FNDC3B: variants seen among roughly 807,000 people sequenced by gnomAD.
FNDC3B encodes the protein fibronectin type III domain-containing protein 3B.
In FNDC3B, 12 loss-of-function variants were observed where a neutral mutation model predicts 151.5. The observed-to-expected ratio is 0.08, with a 90% CI of 0.05 to 0.13. The LOEUF (loss-of-function observed/expected upper bound fraction) is 0.13, where lower values mean the gene tolerates loss of function less well. Ranked by LOEUF, FNDC3B falls within the 10% of genes least tolerant of loss-of-function variation. The probability of loss-of-function intolerance (pLI) is 1.00; values close to 1 mark genes in which losing one functional copy is unlikely to be tolerated. For synonymous variants in FNDC3B, 528 were observed against 549.0 expected (o/e 0.96, Z 0.54); for missense variants, 1,214 against 1,505.3 (o/e 0.81, Z 3.20).
At chr3:172,387,566 T>C (rs973019858) in intron 25 of FNDC3B, among the ~76,000 whole-genome samples, 1 of 152,270 alleles carries the variant, frequency 6.6e-6, no homozygotes, top group Non-Finnish European at 1.5e-5. Flanking sequence ...AAACCATCGT[T>C]TATTTTACTG....
chr3:172,129,256 A>T lies in FNDC3B; in HGVS notation c.112-4215A>T, dbSNP rs187945793. Among the ~76,000 whole-genome samples, 3 of 152,272 alleles carry T rather than the reference A, an allele frequency of 2.0e-5. No homozygotes were observed. In the East Asian group the frequency reaches 5.8e-4, roughly 29 times the overall value. On this transcript the variant is annotated intron_variant, in intron 2 of 25. Transcript: ENST00000415807. ...CCAAAGCACTGGAATTACAGGCATGAGCCTCTGTACCTGGCCAGAAGCTTT... is the reference window on the plus strand; with the variant it reads ...CCAAAGCACTGGAATTACAGGCATGTGCCTCTGTACCTGGCCAGAAGCTTT...
chr3:172,103,146 A>G (rs779732880), intron 1 of FNDC3B, among the ~76,000 whole-genome samples: 1 of 152,232 alleles, frequency 6.6e-6, no homozygotes, highest in Non-Finnish European at 1.5e-5. Context: ...CGAACAAAGC[A>G]AACGAACCTT....
Position 172,226,967 on chromosome 3 carries a change from T to G in FNDC3B, c.264+20T>G, listed in dbSNP as rs2108741346. 1 of 1,473,016 alleles carries G rather than the reference T, an allele frequency of 6.8e-7. No homozygotes were observed. Among genetic ancestry groups the G allele is most frequent in the South Asian group, 1.1e-5 (1 of 88,142 alleles). 91.2% of individuals were successfully genotyped at this position (1,473,016 alleles called of 1,614,324 possible). Reference sequence around the variant, plus strand: ...TCACAGGTAATCCATTTGATGGACTTCTCTACTCACTATGGACACTGTCGT... The same window carrying G: ...TCACAGGTAATCCATTTGATGGACTGCTCTACTCACTATGGACACTGTCGT... On this transcript the variant is annotated intron_variant, in intron 4 of 25. Transcript: ENST00000415807.
At chr3:172,389,162 C>T (rs1373262871) in intron 25 of FNDC3B, among the ~76,000 whole-genome samples, 1 of 152,134 alleles carries the variant, frequency 6.6e-6, no homozygotes, top group Admixed American at 6.5e-5. Context: ...CATAAGTTTA[C>T]AAGTGTAATA....
intron 3 of FNDC3B, among the ~76,000 whole-genome samples, chr3:172,134,069 G>T (rs754879607): frequency 6.6e-6 from 1 of 152,186 alleles, no homozygotes; most frequent in African/African-American, 2.4e-5. Context: ...TTTGGCCCCC[G>T]ATGATTCATG....
chr3:172,187,945 C>G (rs1458466706), intron 3 of FNDC3B, among the ~76,000 whole-genome samples: 1 of 151,794 alleles, frequency 6.6e-6, no homozygotes, highest in Admixed American at 6.6e-5. Flanking sequence ...TAATTCAACC[C>G]TAGGAATATA....
intron 3 of FNDC3B, among the ~76,000 whole-genome samples, chr3:172,151,042 A>AAAAAGAAACC (rs1722194804): frequency 1.3e-5 from 2 of 152,232 alleles, no homozygotes; most frequent in African/African-American, 4.8e-5. Flanking sequence ...AAATATGACT[A>AAAAAGAAACC]ATTTGTTTAA....
chr3:172,227,835 T>C (rs996799660), intron 4 of FNDC3B, among the ~76,000 whole-genome samples: 1 of 152,248 alleles, frequency 6.6e-6, no homozygotes, highest in East Asian at 1.9e-4. Flanking sequence ...CTACTCTTTC[T>C]CTGTCTCTCA....
At chr3:172,098,016 AT>A (rs755392197) in intron 1 of FNDC3B, among the ~76,000 whole-genome samples, 491 of 144,950 alleles carry the variant, frequency 3.4e-3, no homozygotes, top group Admixed American at 4.1e-3. Context: ...GCTGCAAGAA[AT>A]TTTTTTTTTT....
chr3:172,354,757 G>T (rs1157012987), intron 22 of FNDC3B, among the ~76,000 whole-genome samples: 2 of 151,628 alleles, frequency 1.3e-5, no homozygotes, highest in Non-Finnish European at 2.9e-5. Context: ...CTATAAATTG[G>T]TTAAAATATA....
intron 21 of FNDC3B, among the ~76,000 whole-genome samples, chr3:172,347,862 T>A (rs1733685835): frequency 6.6e-6 from 1 of 152,250 alleles, no homozygotes; most frequent in Non-Finnish European, 1.5e-5. Context: ...AGGCTGGTTA[T>A]CTATAAGCTT....
At chr3:172,113,571 T>G (rs1720091061) in intron 2 of FNDC3B, among the ~76,000 whole-genome samples, 1 of 152,234 alleles carries the variant, frequency 6.6e-6, no homozygotes, top group African/African-American at 2.4e-5. Flanking sequence ...AGTAAATGTT[T>G]GTTAGTTGAA....
chr3:172,243,264 C>T (rs1181556385), intron 4 of FNDC3B, among the ~76,000 whole-genome samples: 1 of 152,206 alleles, frequency 6.6e-6, no homozygotes, highest in Non-Finnish European at 1.5e-5. Flanking sequence ...GTTGCTTCCA[C>T]ATTTTCGGGT....
chr3:172,109,828 A>C (rs1351150772), intron 1 of FNDC3B, among the ~76,000 whole-genome samples: 2 of 152,244 alleles, frequency 1.3e-5, no homozygotes, highest in East Asian at 3.8e-4. Flanking sequence ...GAAGTTTTCA[A>C]AAGCAAATAT....
At chr3:172,362,978 C>T in intron 23 of FNDC3B, 133 bp downstream of exon 23, 1 of 689,758 alleles carries the variant, frequency 1.4e-6, no homozygotes, top group Admixed American at 3.0e-5. Context: ...TTGACTTGAG[C>T]CCTGCGTTTT....
intron 25 of FNDC3B, among the ~76,000 whole-genome samples, chr3:172,396,146 G>T (rs760054214): frequency 3.9e-5 from 6 of 152,082 alleles, no homozygotes; most frequent in Non-Finnish European, 8.8e-5. Flanking sequence ...GAAATAACCC[G>T]AATGTCCATC....
At chr3:172,276,502 C>T (rs1729439860) in intron 6 of FNDC3B, among the ~76,000 whole-genome samples, 1 of 152,092 alleles carries the variant, frequency 6.6e-6, no homozygotes, top group Non-Finnish European at 1.5e-5. Flanking sequence ...GAAAAATCAC[C>T]ATCTGGAAAC....
chr3:172,312,054 T>G (rs1341150939), intron 11 of FNDC3B, among the ~76,000 whole-genome samples: 1 of 152,142 alleles, frequency 6.6e-6, no homozygotes, highest in Admixed American at 6.5e-5. Context: ...TGACTTAAAT[T>G]TGGAGAGATT....
chr3:172,373,927 G>A (rs4894544), intron 23 of FNDC3B, among the ~76,000 whole-genome samples: 129,308 of 152,238 alleles, frequency 0.85, 55,788 homozygotes, highest in East Asian at 1. Flanking sequence ...GTCTGATATT[G>A]GAGGAGCAAG....
Sources: gnomAD v4.1 joint callset for allele counts (sites outside exome capture counted in the v4.1 genomes callset) on GRCh38, gnomAD v4.1.1 for gene constraint, MANE v1.5 for transcripts, NCBI Gene and HGNC (gene_info 2026-07-23, HGNC 2026-07-21) for gene names.